The following CSMD1 variants were observed in gnomAD, a reference collection of about 807,000 sequenced individuals.
The protein encoded by CSMD1 is CUB and Sushi multiple domains 1.
Under a neutral mutation model 417.5 loss-of-function variants are expected in CSMD1, and 213 were observed. That is an observed-to-expected ratio of 0.51 (90% CI 0.46 to 0.57). The LOEUF is 0.57. Ranked by LOEUF, CSMD1 falls within the 20% of genes least tolerant of loss-of-function variation. The pLI is 0.00. For missense variants in CSMD1, 6,923 were observed against 4,529.7 expected, an observed-to-expected ratio of 1.53 and a Z score of -15.17; for synonymous variants, 2,862 against 1,736.8, an observed-to-expected ratio of 1.65 and a Z score of -16.11.
At chr8:3,332,441 G>A (rs1398941203) in intron 23 of CSMD1, among the ~76,000 whole-genome samples, 1 of 152,360 alleles carries the variant, frequency 6.6e-6, no homozygotes, top group South Asian at 2.1e-4. Context: ...GGCCTGGAAG[G>A]CCAACCGGAG....
At chr8:4,759,116 C>G (rs992021938) in intron 1 of CSMD1, among the ~76,000 whole-genome samples, 1 of 152,164 alleles carries the variant, frequency 6.6e-6, no homozygotes, top group East Asian at 1.9e-4. Context: ...TGCATTTGGG[C>G]TGAGGGAGAA....
At chr8:4,206,390 T>C (rs540630230) in intron 3 of CSMD1, among the ~76,000 whole-genome samples, 9 of 151,838 alleles carry the variant, frequency 5.9e-5, no homozygotes, top group African/African-American at 1.9e-4. Flanking sequence ...TTCCCCACCC[T>C]GTCTCCAACT....
At chr8:4,389,711 T>G (rs2128923139) in intron 3 of CSMD1, among the ~76,000 whole-genome samples, 1 of 152,292 alleles carries the variant, frequency 6.6e-6, no homozygotes, top group South Asian at 2.1e-4. Context: ...TTTTTTATTT[T>G]CCTGTATATT....
chr8:4,494,975 A>G (rs1339564741), intron 2 of CSMD1, among the ~76,000 whole-genome samples: 2 of 152,174 alleles, frequency 1.3e-5, no homozygotes, highest in African/African-American at 2.4e-5. Context: ...AGTGGAGAAA[A>G]TAAAGAAAAG....
chr8:4,679,362 T>G lies in CSMD1; in HGVS notation c.86-41804A>C, dbSNP rs150675285. Among the ~76,000 whole-genome samples the G allele has an allele frequency of 2.9e-3, 436 of 152,340 alleles. 2 individuals carry two copies. The highest frequency in any genetic ancestry group is 3.9e-3 in the Non-Finnish European group (262 of 68,034). On this transcript the variant is annotated intron_variant, in intron 1 of 69. Coordinates refer to ENST00000635120, the MANE Select transcript of CSMD1 (RefSeq NM_033225.6). Reference sequence around the variant, plus strand: ...TAAACAATGAAATATTAAACATTTTTTAACTTTGTTGAAATTTAAAATGGA... The same window carrying G: ...TAAACAATGAAATATTAAACATTTTGTAACTTTGTTGAAATTTAAAATGGA...
chr8:4,597,469 T>C (rs1001829749), intron 2 of CSMD1, among the ~76,000 whole-genome samples: 4 of 152,178 alleles, frequency 2.6e-5, no homozygotes, highest in Non-Finnish European at 4.4e-5. Context: ...TTGAGTTTCA[T>C]CTAAATTTTA....
Position 3,844,667 on chromosome 8 carries a change from G to C in CSMD1, c.819-90625C>G, listed in dbSNP as rs750519285. Among the ~76,000 whole-genome samples, 6 of 152,192 alleles carry C rather than the reference G, an allele frequency of 3.9e-5. No homozygotes were observed. In the South Asian group the frequency reaches 1.2e-3, roughly 32 times the overall value. On this transcript the variant is annotated intron_variant, in intron 5 of 69. Coordinates refer to ENST00000635120, the MANE Select transcript of CSMD1 (RefSeq NM_033225.6). ...GTATGCAGCTGGAAATTCACTATTT[G>C]AATTCATCATTGTCGGGAACTGCAG...
At chr8:3,729,351 G>C (rs1033721579) in intron 6 of CSMD1, among the ~76,000 whole-genome samples, 6 of 152,172 alleles carry the variant, frequency 3.9e-5, no homozygotes, top group Admixed American at 2.6e-4. Context: ...TGCCAGTCTA[G>C]CTCTGCCACC....
At chr8:3,644,623 G>A (rs1196850524) in intron 7 of CSMD1, among the ~76,000 whole-genome samples, 2 of 152,096 alleles carry the variant, frequency 1.3e-5, no homozygotes, top group African/African-American at 4.8e-5. Context: ...AGATGGCTGT[G>A]CCAGACCCCT....
intron 2 of CSMD1, among the ~76,000 whole-genome samples, chr8:4,620,919 G>A (rs948592052): frequency 6.6e-6 from 1 of 151,620 alleles, no homozygotes; most frequent in African/African-American, 2.4e-5. Context: ...ATAGGCAACT[G>A]GCAAATAATA....
intron 3 of CSMD1, among the ~76,000 whole-genome samples, chr8:4,245,323 T>C (rs1802638558): frequency 6.6e-6 from 1 of 152,184 alleles, no homozygotes; most frequent in Admixed American, 6.5e-5. Flanking sequence ...GTACTTGGGC[T>C]TGTGAGGCTG....
intron 1 of CSMD1, among the ~76,000 whole-genome samples, chr8:4,858,033 G>C (rs558588607): frequency 6.6e-6 from 1 of 152,062 alleles, no homozygotes; most frequent in African/African-American, 2.4e-5. Flanking sequence ...CTGGCAAAAC[G>C]AATGCAGCAG....
chr8:4,551,854 ATT>A (rs776721276), intron 2 of CSMD1, among the ~76,000 whole-genome samples: 3 of 139,318 alleles, frequency 2.2e-5, no homozygotes, highest in African/African-American at 5.3e-5. Flanking sequence ...AATTTTTTGT[ATT>A]TTTTTTTTTT....
chr8:4,287,840 A>T (rs996375403), intron 3 of CSMD1, among the ~76,000 whole-genome samples: 1 of 152,020 alleles, frequency 6.6e-6, no homozygotes, highest in South Asian at 2.1e-4. Context: ...TTAGTGGGAG[A>T]AGTGCCTCCC....
intron 12 of CSMD1, among the ~76,000 whole-genome samples, chr8:3,411,810 A>G (rs1385492545): frequency 4.2e-5 from 5 of 118,248 alleles, no homozygotes; most frequent in African/African-American, 1.3e-4. Flanking sequence ...ATATACACGT[A>G]TATATACGTG....
intron 1 of CSMD1, among the ~76,000 whole-genome samples, chr8:4,688,555 T>C (rs987222184): frequency 2.6e-5 from 4 of 152,182 alleles, no homozygotes; most frequent in Admixed American, 6.5e-5. Context: ...CTTAATTAAA[T>C]GGTCTCCCAC....
intron 1 of CSMD1, among the ~76,000 whole-genome samples, chr8:4,728,498 A>C (rs906406279): frequency 2.0e-5 from 3 of 152,136 alleles, no homozygotes; most frequent in African/African-American, 7.2e-5. Flanking sequence ...GCAGGTTCTC[A>C]GCGACTATTT....
At chr8:4,435,931 A>C (rs1798124424) in intron 2 of CSMD1, among the ~76,000 whole-genome samples, 1 of 152,172 alleles carries the variant, frequency 6.6e-6, no homozygotes, top group African/African-American at 2.4e-5. Flanking sequence ...TAGAATTTTA[A>C]CCAAAATCTA....
intron 3 of CSMD1, among the ~76,000 whole-genome samples, chr8:4,360,293 T>C (rs535066207): frequency 6.6e-6 from 1 of 152,152 alleles, no homozygotes; most frequent in Non-Finnish European, 1.5e-5. Context: ...TTAATAGTGG[T>C]CCCCAAATGC....
Sources: allele counts gnomAD v4.1 joint callset (sites outside exome capture counted in the v4.1 genomes callset), GRCh38; gene constraint gnomAD v4.1.1; transcripts MANE v1.5; gene names NCBI Gene and HGNC (gene_info 2026-07-23, HGNC 2026-07-21).